Variants in TRABD2B observed in about 807,000 individuals in gnomAD.
TRABD2B encodes TraB domain containing 2B, also known as metalloprotease TIKI2.
In TRABD2B, 14 loss-of-function variants were observed where a neutral mutation model predicts 40.1. That is an observed-to-expected ratio of 0.35 (90% confidence interval 0.23 to 0.55). The LOEUF is 0.55. Among genes scored for constraint, TRABD2B ranks in the 20% least tolerant of loss-of-function variants. TRABD2B has a pLI of 0.90. For synonymous variants in TRABD2B, 263 were observed against 277.0 expected (o/e 0.95, Z 0.50); for missense variants, 541 against 648.6 (o/e 0.83, Z 1.80).
intron 4 of TRABD2B, among the ~76,000 whole-genome samples, chr1:47,789,893 G>T (rs1189549907): frequency 6.6e-6 from 1 of 150,426 alleles, no homozygotes; most frequent in Non-Finnish European, 1.5e-5. Flanking sequence ...ACTCATCCTA[G>T]AATATTCTCT....
rs549133772 is a variant in TRABD2B at position 47,802,577 on chromosome 1, A to G, written c.667-958T>C. ...AAAGAGAAAAACTTGGTCCCTGTAC[A>G]GAAAGTCAGGAGGCTGTCTCAGGGA... On this transcript the variant is annotated intron_variant, in intron 2 of 6. Transcript: ENST00000606738. 5.3e-5 allele frequency among the ~76,000 whole-genome samples: 8 copies of G among 152,340 alleles called. No homozygotes were observed. In the South Asian group the frequency reaches 8.3e-4, roughly 16 times the overall value.
chr1:47,954,122 G>A (rs1280021038), intron 2 of TRABD2B, among the ~76,000 whole-genome samples: 2 of 152,156 alleles, frequency 1.3e-5, no homozygotes, highest in African/African-American at 4.8e-5. Context: ...GGCCAGTGAG[G>A]GTCACTACAG....
intron 2 of TRABD2B, among the ~76,000 whole-genome samples, chr1:47,951,057 G>A (rs1645336076): frequency 6.6e-6 from 1 of 152,202 alleles, no homozygotes; most frequent in Non-Finnish European, 1.5e-5. Flanking sequence ...GGTCACAGGG[G>A]CATGGTGGTC....
intron 2 of TRABD2B, among the ~76,000 whole-genome samples, chr1:47,833,287 G>A (rs1476624545): frequency 6.6e-6 from 1 of 152,202 alleles, no homozygotes; most frequent in Non-Finnish European, 1.5e-5. Context: ...GGTAGCAGGG[G>A]AAAGGACATG....
Position 47,801,596 on chromosome 1 carries a change from G to C in TRABD2B, c.690C>G (p.Thr230=), listed in dbSNP as rs1478314358. 4 of 1,535,822 alleles carry C rather than the reference G, an allele frequency of 2.6e-6. No homozygotes were observed. The highest frequency in any genetic ancestry group is 3.9e-5 in the Admixed American group (2 of 50,978). Residue 230 remains threonine, a synonymous_variant, in exon 3 of 7, where the codon ACC becomes ACG. Coordinates refer to ENST00000606738, the MANE Select transcript of TRABD2B (RefSeq NM_001194986.2). ...CCCGCACACTCTCCTGCTGCAGCAG[G>C]GTTTGGTTCAGGGCAAACAGCACCT... The part of the protein sequence containing the change: ...FSQVLFALNQ[T]LLQQESVRAG...
intron 2 of TRABD2B, among the ~76,000 whole-genome samples, chr1:47,959,069 T>A (rs543574635): frequency 1.3e-4 from 20 of 152,124 alleles, no homozygotes; most frequent in Middle Eastern, 3.4e-3. Flanking sequence ...CACTCAAAAC[T>A]GCTCAACTAC....
chr1:47,780,860 G>C (rs72890295), intron 4 of TRABD2B, among the ~76,000 whole-genome samples: 1 of 152,216 alleles, frequency 6.6e-6, no homozygotes, highest in Non-Finnish European at 1.5e-5. Flanking sequence ...AAAGATCCAG[G>C]CTCCCGCCAA....
Position 47,937,294 on chromosome 1 carries a change from T to C in TRABD2B, c.666+56740A>G, listed in dbSNP as rs538877864. Among the ~76,000 whole-genome samples the C allele has an allele frequency of 3.4e-5, 5 of 148,748 alleles. No individual in the cohort carries two copies. The East Asian group carries it at 1.0e-3, about 30-fold the overall frequency. ...ACCACTACCATCATGATCATGACCA[T>C]CACCACCACCATCATGATCATCACC... On this transcript the variant is annotated intron_variant, in intron 2 of 6. Coordinates refer to ENST00000606738, the MANE Select transcript of TRABD2B (RefSeq NM_001194986.2).
At chr1:47,937,240 C>G in intron 2 of TRABD2B, among the ~76,000 whole-genome samples, 1 of 149,318 alleles carries the variant, frequency 6.7e-6, no homozygotes. Context: ...ACCACCACCA[C>G]CATGATCATC....
Position 47,997,165 on chromosome 1 carries a change from G to C in TRABD2B, c.-376C>G. The C allele has an allele frequency of 1.0e-6, 1 of 983,566 alleles. No individual in the cohort carries two copies. Among genetic ancestry groups the C allele is most frequent in the Non-Finnish European group, 1.2e-6 (1 of 829,280 alleles). The allele number at this position is 983,566 out of a possible 1,614,324, so 60.9% of individuals were successfully genotyped here. A position where few individuals can be genotyped will look rare whatever the true frequency, so the allele number is the denominator to read the frequency against. ...AGAACCCGGGGTGCGCAAGGGTCCC[G>C]GGGTTATGCTGGGCACCCGGGGCAC... is the stretch of plus-strand genomic sequence containing the variant. On this transcript the variant is annotated 5_prime_UTR_variant, in exon 1 of 7. Transcript: ENST00000606738.
intron 2 of TRABD2B, among the ~76,000 whole-genome samples, chr1:47,932,764 G>A (rs927577792): frequency 6.6e-6 from 1 of 152,188 alleles, no homozygotes; most frequent in Non-Finnish European, 1.5e-5. Context: ...TTAATGGCTG[G>A]TTGACTCTGC....
chr1:47,778,341 T>C, intron 5 of TRABD2B, 113 bp downstream of exon 5: 1 of 766,328 alleles, frequency 1.3e-6, no homozygotes, highest in African/African-American at 1.7e-5. Flanking sequence ...CCATTCTTGC[T>C]TCCTGGTAGA....
chr1:47,886,324 T>C (rs1289269282), intron 2 of TRABD2B, among the ~76,000 whole-genome samples: 1 of 152,200 alleles, frequency 6.6e-6, no homozygotes, highest in Non-Finnish European at 1.5e-5. Context: ...ATGGATGAAC[T>C]TTACCCGCTG....
chr1:47,952,262 C>A (rs1462175363), intron 2 of TRABD2B, among the ~76,000 whole-genome samples: 1 of 152,210 alleles, frequency 6.6e-6, no homozygotes, highest in East Asian at 1.9e-4. Flanking sequence ...TCCTACCTGT[C>A]CAAATGTGCT....
chr1:47,849,376 G>A (rs1472200137), intron 2 of TRABD2B, among the ~76,000 whole-genome samples: 1 of 152,196 alleles, frequency 6.6e-6, no homozygotes, highest in African/African-American at 2.4e-5. Flanking sequence ...GGCCCCAGAG[G>A]AAACCAATGC....
chr1:47,775,482 T>C (rs761673705), intron 5 of TRABD2B, 43 bp from the exon 6 acceptor site: 10 of 1,233,026 alleles, frequency 8.1e-6, no homozygotes, highest in Non-Finnish European at 3.0e-6. Flanking sequence ...TGTTGGAGAA[T>C]GTCATCCATG....
At chr1:47,790,271 G>C (rs1644653299) in intron 4 of TRABD2B, among the ~76,000 whole-genome samples, 1 of 152,194 alleles carries the variant, frequency 6.6e-6, no homozygotes, top group Admixed American at 6.5e-5. Flanking sequence ...CCAGCTACAG[G>C]AGCTCAGCAG....
At chr1:47,931,728 C>A (rs1025148955) in intron 2 of TRABD2B, among the ~76,000 whole-genome samples, 1 of 152,176 alleles carries the variant, frequency 6.6e-6, no homozygotes, top group Non-Finnish European at 1.5e-5. Flanking sequence ...CCCGAGTGAA[C>A]TCTCAGGATG....
intron 2 of TRABD2B, among the ~76,000 whole-genome samples, chr1:47,861,798 A>C (rs1643976708): frequency 6.6e-6 from 1 of 152,326 alleles, no homozygotes; most frequent in African/African-American, 2.4e-5. Flanking sequence ...AAACCAGACA[A>C]AGACATTACA....
Sources: gnomAD v4.1 joint callset for allele counts (sites outside exome capture counted in the v4.1 genomes callset) on GRCh38, gnomAD v4.1.1 for gene constraint, MANE v1.5 for transcripts, NCBI Gene and HGNC (gene_info 2026-07-23, HGNC 2026-07-21) for gene names.